The following THSD7B variants were observed in gnomAD, a reference collection of about 807,000 sequenced individuals.
THSD7B encodes the protein thrombospondin type-1 domain-containing protein 7B.
Under a neutral mutation model 213.6 loss-of-function variants are expected in THSD7B, and 138 were observed. The observed-to-expected ratio is 0.65, with a 90% CI of 0.56 to 0.74. The LOEUF (loss-of-function observed/expected upper bound fraction) is 0.74. THSD7B is among the 30% of genes least tolerant of loss of function. The pLI, the probability that THSD7B is intolerant of heterozygous loss-of-function variation, is 0.00. For synonymous variants in THSD7B, 742 were observed against 687.0 expected (o/e 1.08, Z -1.25); for missense variants, 1,931 against 1,991.5 (o/e 0.97, Z 0.58).
intron 12 of THSD7B, among the ~76,000 whole-genome samples, chr2:137,357,372 T>C (rs994597761): frequency 2.6e-5 from 4 of 152,200 alleles, no homozygotes; most frequent in Non-Finnish European, 5.9e-5. Context: ...TGTTGTTTTT[T>C]AATTTGGGGA....
At chr2:137,490,647 T>G (rs150491164) in intron 15 of THSD7B, among the ~76,000 whole-genome samples, 171 of 152,246 alleles carry the variant, frequency 1.1e-3, no homozygotes, top group African/African-American at 3.9e-3. Context: ...ATAGTTTACA[T>G]TAGGGTTCAC....
intron 1 of THSD7B, among the ~76,000 whole-genome samples, chr2:136,810,796 A>G (rs780309687): frequency 6.6e-6 from 1 of 152,180 alleles, no homozygotes; most frequent in Non-Finnish European, 1.5e-5. Context: ...TTGGCACAGT[A>G]CCCAACTTGC....
chr2:137,526,964 G>A (rs572731043), intron 15 of THSD7B, among the ~76,000 whole-genome samples: 3 of 152,076 alleles, frequency 2.0e-5, no homozygotes, highest in African/African-American at 7.2e-5. Context: ...TATCCAATCC[G>A]TAACAAACCA....
At chr2:137,323,336 C>T (rs1249636228) in intron 12 of THSD7B, among the ~76,000 whole-genome samples, 3 of 152,154 alleles carry the variant, frequency 2.0e-5, no homozygotes. Context: ...TGTGGCTGCC[C>T]TGGCTCCCAG....
At chr2:137,106,425 C>T (rs946618899) in intron 4 of THSD7B, among the ~76,000 whole-genome samples, 3 of 152,110 alleles carry the variant, frequency 2.0e-5, no homozygotes, top group Non-Finnish European at 2.9e-5. Context: ...AAACATAAGA[C>T]CTAAAACTAT....
chr2:137,423,593 T>C (rs1439646920), intron 14 of THSD7B, among the ~76,000 whole-genome samples: 1 of 152,078 alleles, frequency 6.6e-6, no homozygotes, highest in Non-Finnish European at 1.5e-5. Context: ...AAGAAACTTA[T>C]TATACTCTGA....
intron 13 of THSD7B, among the ~76,000 whole-genome samples, chr2:137,410,662 C>T (rs946709702): frequency 6.6e-6 from 1 of 152,130 alleles, no homozygotes; most frequent in African/African-American, 2.4e-5. Context: ...TAATGCAAAC[C>T]ATGTGGCAAT....
intron 1 of THSD7B, among the ~76,000 whole-genome samples, chr2:136,770,809 G>T (rs1047007080): frequency 2.0e-5 from 3 of 151,968 alleles, no homozygotes; most frequent in Non-Finnish European, 2.9e-5. Flanking sequence ...AATATTTCTG[G>T]CTGTTAAAAC....
intron 12 of THSD7B, among the ~76,000 whole-genome samples, chr2:137,391,712 T>A (rs1196096160): frequency 7.2e-5 from 11 of 152,076 alleles, no homozygotes; most frequent in Non-Finnish European, 1.5e-5. Context: ...CCAACTTCTT[T>A]TTTTGTTACT....
intron 9 of THSD7B, among the ~76,000 whole-genome samples, chr2:137,238,158 A>G (rs1416910693): frequency 6.6e-6 from 1 of 152,188 alleles, no homozygotes; most frequent in Non-Finnish European, 1.5e-5. Flanking sequence ...CCTACTCCTA[A>G]TTGAAGGGGA....
intron 2 of THSD7B, among the ~76,000 whole-genome samples, chr2:136,917,537 T>C (rs2105030558): frequency 6.6e-6 from 1 of 152,318 alleles, no homozygotes; most frequent in South Asian, 2.1e-4. Context: ...TTAAGTAGTA[T>C]GAGCTTCCAG....
intron 21 of THSD7B, among the ~76,000 whole-genome samples, chr2:137,654,132 CCTT>C (rs1193496359): frequency 6.6e-6 from 1 of 152,050 alleles, no homozygotes; most frequent in Non-Finnish European, 1.5e-5. Context: ...TAAGTTCTGG[CCTT>C]CTTTTTAGCA....
intron 1 of THSD7B, among the ~76,000 whole-genome samples, chr2:136,847,382 T>C (rs1683028770): frequency 6.6e-6 from 1 of 152,190 alleles, no homozygotes; most frequent in African/African-American, 2.4e-5. Flanking sequence ...TCGGGAATCC[T>C]CTTTCTATTT....
At chr2:136,773,139 A>G (rs1417071979) in intron 1 of THSD7B, among the ~76,000 whole-genome samples, 2 of 152,052 alleles carry the variant, frequency 1.3e-5, no homozygotes, top group Non-Finnish European at 2.9e-5. Context: ...CAAGCAGAGT[A>G]TGAGTAACTA....
At chr2:137,037,332 G>A (rs1027616503) in intron 2 of THSD7B, among the ~76,000 whole-genome samples, 2 of 151,810 alleles carry the variant, frequency 1.3e-5, no homozygotes, top group Non-Finnish European at 2.9e-5. Flanking sequence ...AATATAAATG[G>A]ACACTAGATT....
chr2:137,550,501 T>G (rs1558835847), intron 15 of THSD7B, among the ~76,000 whole-genome samples: 1 of 152,138 alleles, frequency 6.6e-6, no homozygotes, highest in Non-Finnish European at 1.5e-5. Context: ...TCTCTGCCAT[T>G]ACAAATAATA....
At chr2:137,451,570 A>G (rs190162621) in intron 15 of THSD7B, among the ~76,000 whole-genome samples, 3 of 152,214 alleles carry the variant, frequency 2.0e-5, no homozygotes, top group Non-Finnish European at 4.4e-5. Flanking sequence ...CTCAAAAATC[A>G]TAGATATTTT....
intron 2 of THSD7B, among the ~76,000 whole-genome samples, chr2:136,929,137 T>C (rs2105044226): frequency 6.6e-6 from 1 of 152,316 alleles, no homozygotes; most frequent in Middle Eastern, 3.4e-3. Context: ...GATGGATAAC[T>C]GGAAAATGTA....
intron 1 of THSD7B, among the ~76,000 whole-genome samples, chr2:136,847,903 C>G (rs1310944334): frequency 6.6e-6 from 1 of 152,130 alleles, no homozygotes; most frequent in Admixed American, 6.5e-5. Flanking sequence ...CCCAGCTTAG[C>G]CTTATTCCTC....
Sources: allele counts gnomAD v4.1 joint callset (sites outside exome capture counted in the v4.1 genomes callset), GRCh38; gene constraint gnomAD v4.1.1; transcripts MANE v1.5; gene names NCBI Gene and HGNC (gene_info 2026-07-23, HGNC 2026-07-21).